PCDHA1: variants seen among roughly 807,000 people sequenced by gnomAD.
PCDHA1 encodes protocadherin alpha-1.
A neutral mutation model predicts 61.3 loss-of-function variants in PCDHA1; 42 were observed. The ratio of observed to expected loss-of-function variants is 0.69; its 90% CI spans 0.54 to 0.89. PCDHA1 has a LOEUF of 0.89. Ranked by LOEUF, PCDHA1 falls within the 40% of genes least tolerant of loss-of-function variation. The probability of loss-of-function intolerance (pLI) is 0.00; values close to 1 mark genes in which losing one functional copy is unlikely to be tolerated. For missense variants in PCDHA1, 1,256 were observed against 1,235.3 expected (o/e 1.02, Z -0.25); for synonymous variants, 610 against 553.8 (o/e 1.10, Z -1.43).
At chr5:140,926,373 G>T (rs1040164585) in intron 1 of PCDHA1, 1 of 152,370 alleles carries the variant, frequency 6.6e-6, no homozygotes, top group African/African-American at 2.4e-5. Flanking sequence ...GGCAGGAAGA[G>T]CCCAGCTGGG....
At chr5:140,918,074 G>T (rs546551059) in intron 1 of PCDHA1, among the ~76,000 whole-genome samples, 1 of 152,096 alleles carries the variant, frequency 6.6e-6, no homozygotes, top group South Asian at 2.1e-4. Context: ...TCTTTCAGTA[G>T]TGTTTTATAA....
chr5:141,006,388 A>AT (rs2098271631), intron 3 of PCDHA1, among the ~76,000 whole-genome samples: 1 of 151,322 alleles, frequency 6.6e-6, no homozygotes, highest in African/African-American at 2.4e-5. Flanking sequence ...AGTTTTTTCT[A>AT]TTTTTTAGTA....
At chr5:140,841,903 C>A in intron 1 of PCDHA1, 5 of 1,613,800 alleles carry the variant, frequency 3.1e-6, no homozygotes, top group Non-Finnish European at 4.2e-6. Flanking sequence ...TGGTTGAGCT[C>A]GTATTAAGAA....
intron 1 of PCDHA1, among the ~76,000 whole-genome samples, chr5:140,791,693 A>G (rs1431072370): frequency 2.0e-5 from 3 of 152,232 alleles, no homozygotes; most frequent in Non-Finnish European, 4.4e-5. Context: ...CATGGAAAAA[A>G]TCTACTGTGT....
chr5:140,836,758 G>A (rs2150269396), intron 1 of PCDHA1: 3 of 1,572,392 alleles, frequency 1.9e-6, no homozygotes, highest in African/African-American at 2.7e-5. Context: ...AAATAATCTT[G>A]TTTCCAACAA....
At chr5:140,974,105 A>G (rs1173287678) in intron 1 of PCDHA1, among the ~76,000 whole-genome samples, 1 of 152,246 alleles carries the variant, frequency 6.6e-6, no homozygotes, top group African/African-American at 2.4e-5. Context: ...GGTTAAAAGT[A>G]TTCTTTTGCA....
At chr5:140,948,259 G>A (rs1430770984) in intron 1 of PCDHA1, among the ~76,000 whole-genome samples, 3 of 151,464 alleles carry the variant, frequency 2.0e-5, no homozygotes, top group Non-Finnish European at 3.0e-5. Context: ...TTACATCTGT[G>A]TTCATGTAGA....
intron 1 of PCDHA1, chr5:140,884,726 T>A: frequency 6.9e-7 from 1 of 1,455,756 alleles, no homozygotes; most frequent in Non-Finnish European, 9.1e-7. Flanking sequence ...GTTGTTTGTT[T>A]AAGACATCTT....
chr5:140,797,731 A>G (rs1202597015), intron 1 of PCDHA1, among the ~76,000 whole-genome samples: 2 of 152,266 alleles, frequency 1.3e-5, no homozygotes, highest in African/African-American at 4.8e-5. Flanking sequence ...TTTTCAACTG[A>G]CACTGTCTAT....
At chr5:140,801,442 G>A (rs782061266) in intron 1 of PCDHA1, 2 of 1,613,958 alleles carry the variant, frequency 1.2e-6, no homozygotes, top group Non-Finnish European at 1.7e-6. Context: ...CTGCAGAATG[G>A]CATTTTGTTT....
chr5:140,824,215 A>C, intron 1 of PCDHA1: 2 of 1,576,994 alleles, frequency 1.3e-6, no homozygotes, highest in Non-Finnish European at 1.7e-6. Context: ...GTATTTAAAA[A>C]TTATGTCTTA....
intron 1 of PCDHA1, chr5:140,882,313 G>A (rs2059060330): frequency 1.2e-6 from 2 of 1,614,128 alleles, no homozygotes; most frequent in Non-Finnish European, 1.7e-6. Flanking sequence ...GGCAACTACT[G>A]CTCTGGCTTC....
chr5:140,922,412 G>A lies in PCDHA1; in HGVS notation c.2395-56537G>A, dbSNP rs80310986. Among the ~76,000 whole-genome samples the A allele has an allele frequency of 7.3e-3, 1,117 of 152,260 alleles. 9 individuals carry two copies. Among genetic ancestry groups the A allele is most frequent in the Non-Finnish European group, 0.011 (755 of 68,032 alleles). ...CCTTGTTTTGGATTAAAAAGATCTA[G>A]GTACAGAGGCTGAGGGCAGAACTCT... is the stretch of plus-strand genomic sequence containing the variant. On this transcript the variant is annotated intron_variant, in intron 1 of 3. Coordinates refer to ENST00000504120, the MANE Select transcript of PCDHA1 (RefSeq NM_018900.4).
intron 1 of PCDHA1, among the ~76,000 whole-genome samples, chr5:140,878,958 T>C (rs2057789754): frequency 6.6e-6 from 1 of 152,208 alleles, no homozygotes; most frequent in Admixed American, 6.5e-5. Context: ...TTGAAATGTA[T>C]TACCTGGACA....
intron 1 of PCDHA1, chr5:140,829,441 C>T (rs1554131960): frequency 6.2e-7 from 1 of 1,613,912 alleles, no homozygotes; most frequent in Non-Finnish European, 8.5e-7. Context: ...ACATGAATGA[C>T]AATGCTCCGG....
chr5:140,874,803 A>G (rs536331240), intron 1 of PCDHA1, among the ~76,000 whole-genome samples: 1 of 152,378 alleles, frequency 6.6e-6, no homozygotes, highest in East Asian at 1.9e-4. Flanking sequence ...AGATTTATGA[A>G]TAAGACAATT....
chr5:140,939,565 A>G (rs560033193), intron 1 of PCDHA1, among the ~76,000 whole-genome samples: 24 of 152,096 alleles, frequency 1.6e-4, no homozygotes, highest in African/African-American at 5.8e-4. Flanking sequence ...TAGTTTGGTT[A>G]ATCAAAATGG....
intron 1 of PCDHA1, among the ~76,000 whole-genome samples, chr5:140,936,341 A>G (rs954946684): frequency 7.2e-5 from 11 of 152,172 alleles, no homozygotes; most frequent in African/African-American, 2.7e-4. Flanking sequence ...CTCTATCTGC[A>G]TATATGGAAT....
chr5:140,938,025 C>A (rs1431326044), intron 1 of PCDHA1, among the ~76,000 whole-genome samples: 5 of 151,978 alleles, frequency 3.3e-5, no homozygotes, highest in Non-Finnish European at 7.4e-5. Context: ...AGTAAAATCT[C>A]ATATTTTTAT....
Sources: allele counts gnomAD v4.1 joint callset (sites outside exome capture counted in the v4.1 genomes callset), GRCh38; gene constraint gnomAD v4.1.1; transcripts MANE v1.5; gene names NCBI Gene and HGNC (gene_info 2026-07-23, HGNC 2026-07-21).